The following TP73 variants were observed in gnomAD, a reference collection of about 807,000 sequenced individuals.
TP73 encodes the protein tumor protein p73.
A neutral mutation model predicts 62.5 loss-of-function variants in TP73; 25 were observed. The ratio of observed to expected loss-of-function variants is 0.40; its 90% confidence interval spans 0.29 to 0.56. The LOEUF is 0.56. Ranked by LOEUF, TP73 falls within the 20% of genes least tolerant of loss-of-function variation. The pLI is 0.46. For synonymous variants in TP73, 423 were observed against 377.5 expected (o/e 1.12, Z -1.40); for missense variants, 754 against 913.3 (o/e 0.83, Z 2.25).
At chr1:3,684,139 G>T (rs1645589392) in intron 3 of TP73, among the ~76,000 whole-genome samples, 1 of 152,224 alleles carries the variant, frequency 6.6e-6, no homozygotes, top group South Asian at 2.1e-4. Context: ...AGAGAGCAAA[G>T]ATCCCGACCT....
rs189654949 is a variant in TP73 at position 3,699,422 on chromosome 1, C to T, written c.187-8127C>T. Among the ~76,000 whole-genome samples the T allele has an allele frequency of 2.0e-5, 3 of 152,306 alleles. No individual in the cohort carries two copies. The highest frequency in any genetic ancestry group is 7.2e-5 in the African/African-American group (3 of 41,554). ...TTCTCCAGGGAACGAGGACACGGAC[C>T]TCCTTGTTCTACAAGAGCTGGGGTC... On this transcript the variant is annotated intron_variant, in intron 3 of 13. Transcript: ENST00000378295. This position sits in a 1 kb window ranked among gnomAD's most constrained non-coding sequence, Gnocchi z 4.1.
intron 6 of TP73, among the ~76,000 whole-genome samples, chr1:3,726,821 A>G (rs1570629845): frequency 7.4e-6 from 1 of 136,040 alleles, no homozygotes; most frequent in Non-Finnish European, 1.6e-5. Context: ...GAGTGGATGG[A>G]TGGATGGATA....
rs564489748 is a variant in TP73 at position 3,729,786 on chromosome 1, TCCCGGCCC to T, written c.1197-212_1197-205del. ...CAGTGGCACAGGTCATCCCCCTGCC[TCCCGGCCC>T]CGCCATGGCCAGTGTCCTTCTCAGG... On this transcript the variant is annotated intron_variant, in intron 10 of 13. Coordinates refer to ENST00000378295, the MANE Select transcript of TP73 (RefSeq NM_005427.4). The T allele has an allele frequency of 1.8e-4, 144 of 792,846 alleles. 1 individual carries two copies. Among genetic ancestry groups the T allele is most frequent in the African/African-American group, 1.5e-3 (87 of 57,942 alleles). The allele number at this position is 792,846 out of a possible 1,614,324, so 49.1% of individuals were successfully genotyped here. A position where few individuals can be genotyped will look rare whatever the true frequency, so the allele number is the denominator to read the frequency against.
chr1:3,658,050 G>C (rs917336299), intron 1 of TP73, among the ~76,000 whole-genome samples: 5 of 152,236 alleles, frequency 3.3e-5, no homozygotes, highest in Middle Eastern at 3.2e-3. Flanking sequence ...GAGTTGGACA[G>C]AGAGGAGACG....
chr1:3,688,945 C>T (rs1645736307), intron 3 of TP73, among the ~76,000 whole-genome samples: 1 of 152,150 alleles, frequency 6.6e-6, no homozygotes, highest in African/African-American at 2.4e-5. Context: ...ATGGGACTCG[C>T]CTGAGTCTCC....
In TP73 at chr1:3,735,510, A is replaced by C. The variant is rs985450339; in HGVS notation, c.*2431A>C. The C allele has an allele frequency of 4.6e-5, 7 of 152,228 alleles. No homozygotes were observed. The highest frequency in any genetic ancestry group is 8.8e-5 in the Non-Finnish European group (6 of 68,040). 9.4% of individuals were successfully genotyped at this position (152,228 alleles called of 1,614,324 possible). ...TGGCCCCAGCTGCACCTGTCTAGGGAGCCCATGCAGCCTCCTTGCACTGGA... is the reference window on the plus strand; with the variant it reads ...TGGCCCCAGCTGCACCTGTCTAGGGCGCCCATGCAGCCTCCTTGCACTGGA... On this transcript the variant is annotated 3_prime_UTR_variant, in exon 14 of 14. Transcript: ENST00000378295.
intron 3 of TP73, among the ~76,000 whole-genome samples, chr1:3,692,791 G>T (rs963152057): frequency 1.3e-5 from 2 of 152,132 alleles, no homozygotes; most frequent in Admixed American, 1.3e-4. Context: ...CCTCTCGGGG[G>T]ACTCCACCAA....
At chr1:3,692,527 C>T (rs959734993) in intron 3 of TP73, among the ~76,000 whole-genome samples, 2 of 152,218 alleles carry the variant, frequency 1.3e-5, no homozygotes, top group Admixed American at 6.5e-5. Flanking sequence ...TCCACCAACA[C>T]GTTGCTATTA....
At chr1:3,729,880 G>A in intron 10 of TP73, 120 bp from the exon 11 acceptor site, 4 of 1,366,930 alleles carry the variant, frequency 2.9e-6, no homozygotes, top group Non-Finnish European at 2.9e-6. Context: ...GGAGGATGAA[G>A]CCACTCTCTG....
intron 3 of TP73, among the ~76,000 whole-genome samples, chr1:3,694,976 G>A (rs1201207173): frequency 6.6e-6 from 1 of 151,420 alleles, no homozygotes; most frequent in Middle Eastern, 3.4e-3. Flanking sequence ...TGCAGCCTCA[G>A]CCCCTCCTCC....
rs1329052751 is a variant in TP73, at chr1:3,733,011, G to A, written c.1843G>A (p.Asp615Asn). 2.6e-6 allele frequency: 4 copies of A among 1,561,882 alleles called. No individual in the cohort carries two copies. The highest frequency in any genetic ancestry group is 2.6e-6 in the Non-Finnish European group (3 of 1,157,996). ...GPDEWADFGF[D>N]LPDCKARKQP... ...TGACGAGTGGGCGGACTTCGGCTTCGACCTGCCCGACTGCAAGGCCCGCAA... is the reference window on the plus strand; with the variant it reads ...TGACGAGTGGGCGGACTTCGGCTTCAACCTGCCCGACTGCAAGGCCCGCAA... The change falls in exon 14 of 14, where the codon GAC (aspartate) becomes AAC (asparagine). Residue 615 changes from aspartate (D) to asparagine (N), a missense_variant. Asp to Asn is a conservative substitution (Grantham distance 23). This residue lies in a region of TP73 where 458 missense variants were observed against 528.7 expected (regional missense o/e 0.87). Transcript: ENST00000378295.
chr1:3,688,671 G>T (rs190384358), intron 3 of TP73, among the ~76,000 whole-genome samples: 151 of 152,340 alleles, frequency 9.9e-4, no homozygotes, highest in Non-Finnish European at 1.4e-3. Context: ...CCTTGGGAAC[G>T]TTTGCAGAAA....
At chr1:3,728,986 G>C (rs549132718) in intron 9 of TP73, among the ~76,000 whole-genome samples, 1 of 97,190 alleles carries the variant, frequency 1.0e-5, no homozygotes, top group African/African-American at 2.9e-5. Flanking sequence ...AGACGCTGTC[G>C]AAAGAAAGAG....
intron 1 of TP73, among the ~76,000 whole-genome samples, chr1:3,660,690 AT>A (rs76003222): frequency 0.045 from 6,909 of 152,318 alleles, 264 homozygotes; most frequent in East Asian, 0.16. Context: ...TGTGATCTTA[AT>A]GTATCAGAAA....
In TP73 at chr1:3,727,241, C is replaced by T. The variant is rs757386360; in HGVS notation, c.842+17C>T. The T allele has an allele frequency of 3.7e-6, 6 of 1,607,486 alleles. No individual in the cohort carries two copies. In the East Asian group the frequency reaches 6.7e-5, roughly 18 times the overall value. The stretch of plus-strand genomic sequence containing the variant: ...GATGCGGGAGTGAGTCCCGGGCACA[C>T]GGGGTGGAGGTGGGACAGGGCTGGG... On this transcript the variant is annotated intron_variant, in intron 7 of 13. Transcript: ENST00000378295.
chr1:3,688,020 C>A (rs576651207), intron 3 of TP73, among the ~76,000 whole-genome samples: 4 of 152,112 alleles, frequency 2.6e-5, no homozygotes, highest in Non-Finnish European at 5.9e-5. Flanking sequence ...GCGCAGGTCC[C>A]GTGCATGTGT....
At chr1:3,727,409 C>T (rs1429065382) in intron 7 of TP73, 185 bp downstream of exon 7, 21 of 925,614 alleles carry the variant, frequency 2.3e-5, no homozygotes, top group Admixed American at 5.4e-5. Flanking sequence ...GCTGGGCCTC[C>T]GGAGGGAGGT....
In TP73 at chr1:3,673,796, A is replaced by G. The variant is rs1305730034; in HGVS notation, c.-33-8537A>G. 6.6e-5 allele frequency among the ~76,000 whole-genome samples: 10 copies of G among 152,342 alleles called. No individual in the cohort carries two copies. The East Asian group carries it at 1.7e-3, about 26-fold the overall frequency. ...ATGTCTGGATGTGGATTGGGCCTCA[A>G]TGTACCGGTGAAGATAGATGGACAG... On this transcript the variant is annotated intron_variant, in intron 1 of 13. Coordinates refer to ENST00000378295, the MANE Select transcript of TP73 (RefSeq NM_005427.4).
At chr1:3,664,988 T>A (rs146057553) in intron 1 of TP73, among the ~76,000 whole-genome samples, 2 of 152,122 alleles carry the variant, frequency 1.3e-5, no homozygotes, top group Admixed American at 1.3e-4. Context: ...GCCCCCAAAT[T>A]ACAGAGGAAA....
Sources: gnomAD v4.1 joint callset for allele counts (sites outside exome capture counted in the v4.1 genomes callset) on GRCh38, gnomAD v4.1.1 for gene constraint, gnomAD v4.1.1 regional missense constraint, Gnocchi (gnomAD v3.1) non-coding constraint, MANE v1.5 for transcripts, NCBI Gene and HGNC (gene_info 2026-07-23, HGNC 2026-07-21) for gene names.